The following DENND2C variants were observed in gnomAD, a reference collection of about 807,000 sequenced individuals.
DENND2C encodes DENN domain-containing protein 2C.
DENND2C carries 72 observed loss-of-function variants against 112.4 expected under a neutral mutation model. The ratio of observed to expected loss-of-function variants is 0.64; its 90% CI spans 0.53 to 0.78. DENND2C has a LOEUF of 0.78. DENND2C is among the 30% of genes least tolerant of loss of function. The probability of loss-of-function intolerance (pLI) is 0.00; values close to 1 mark genes in which losing one functional copy is unlikely to be tolerated. For synonymous variants in DENND2C, 329 were observed against 381.6 expected (o/e 0.86, Z 1.61); for missense variants, 992 against 1,113.8 (o/e 0.89, Z 1.56).
At chr1:114,620,843 G>T (rs1455401281) in intron 7 of DENND2C, among the ~76,000 whole-genome samples, 1 of 152,078 alleles carries the variant, frequency 6.6e-6, no homozygotes, top group Admixed American at 6.5e-5. Flanking sequence ...CTGTGGAATA[G>T]AATATTTCCC....
Position 114,602,166 on chromosome 1 carries a change from C to T in DENND2C, c.1696G>A (p.Glu566Lys), listed in dbSNP as rs537563561. The T allele has an allele frequency of 1.2e-6, 2 of 1,613,946 alleles. No individual in the cohort carries two copies. Among genetic ancestry groups the T allele is most frequent in the East Asian group, 4.5e-5 (2 of 44,848 alleles). Residue 566 changes from glutamate (E) to lysine (K), a missense_variant, in exon 12 of 21, where the codon GAA (glutamate) becomes AAA (lysine). Physicochemically the swap from Glu to Lys is moderately conservative, Grantham distance 56. This residue lies in a region of DENND2C where 516 missense variants were observed against 623.6 expected (regional missense o/e 0.83). Coordinates refer to ENST00000393274, the MANE Select transcript of DENND2C (RefSeq NM_001256404.2). ...SETFSFVLTG[E>K]DGSRWFGYCK... ...TAACCAAACCACCGGCTTCCATCTT[C>T]ACCAGTCAAGACAAAGGAGAATGTT...
At chr1:114,663,295 A>G (rs1005934155) in intron 1 of DENND2C, among the ~76,000 whole-genome samples, 7 of 152,204 alleles carry the variant, frequency 4.6e-5, no homozygotes, top group Non-Finnish European at 1.0e-4. Flanking sequence ...CTTTCACTGA[A>G]GCGAAAAGAT....
chr1:114,601,705 A>C, intron 12 of DENND2C, 120 bp from the exon 13 acceptor site: 2 of 798,316 alleles, frequency 2.5e-6, no homozygotes, highest in Non-Finnish European at 4.0e-6. Context: ...CAAGGCTCTC[A>C]TCTTTAGTGA....
At position 114,587,670 on chromosome 1, in the gene DENND2C, A is replaced by G. The variant is rs552522640; in HGVS notation, c.2668+46T>C. ...TATTCATAATATAGTAAAATCTTTC[A>G]AGGTATTCACTAAATAGAGAGGGAG... is the stretch of plus-strand genomic sequence containing the variant. On this transcript the variant is annotated intron_variant, in intron 19 of 20. Transcript: ENST00000393274. 17 of 1,516,788 alleles carry G rather than the reference A, an allele frequency of 1.1e-5. No individual in the cohort carries two copies. In the South Asian group the frequency reaches 2.1e-4, roughly 19 times the overall value. 94.0% of individuals were successfully genotyped at this position (1,516,788 alleles called of 1,614,324 possible). A position where few individuals can be genotyped will look rare whatever the true frequency, so the allele number is the denominator to read the frequency against.
chr1:114,634,766 G>A (rs975755300), intron 3 of DENND2C, among the ~76,000 whole-genome samples: 1 of 151,742 alleles, frequency 6.6e-6, no homozygotes, highest in African/African-American at 2.4e-5. Context: ...GGTGGCTCAA[G>A]CCTGTAATCC....
chr1:114,650,760 G>C (rs1372528630), intron 2 of DENND2C, among the ~76,000 whole-genome samples: 1 of 150,340 alleles, frequency 6.7e-6, no homozygotes, highest in African/African-American at 2.4e-5. Context: ...ATTGTACAAT[G>C]TAACTTTCTA....
intron 8 of DENND2C, among the ~76,000 whole-genome samples, chr1:114,616,003 A>T (rs2101659054): frequency 6.6e-6 from 1 of 152,256 alleles, no homozygotes; most frequent in Non-Finnish European, 1.5e-5. Context: ...TGAACCCGGG[A>T]GGCGGAGCTT....
chr1:114,639,246 A>G (rs1570798020), intron 3 of DENND2C, among the ~76,000 whole-genome samples: 2 of 152,328 alleles, frequency 1.3e-5, no homozygotes, highest in Admixed American at 1.3e-4. Flanking sequence ...ACCCCTTTGG[A>G]AAGCAGTTTC....
chr1:114,643,477 G>A (rs1656899774), intron 3 of DENND2C, among the ~76,000 whole-genome samples: 1 of 152,142 alleles, frequency 6.6e-6, no homozygotes, highest in South Asian at 2.1e-4. Context: ...GGGAAAAAAA[G>A]TGTCAAACAG....
At chr1:114,600,083 G>C in intron 15 of DENND2C, 121 bp downstream of exon 15, 1 of 1,106,886 alleles carries the variant, frequency 9.0e-7, no homozygotes, top group Non-Finnish European at 1.3e-6. Flanking sequence ...GAACCTGCAC[G>C]TTGTGCACAT....
At chr1:114,602,012 C>A in intron 12 of DENND2C, 113 bp downstream of exon 12, 2 of 1,015,028 alleles carry the variant, frequency 2.0e-6, no homozygotes, top group South Asian at 3.1e-5. Context: ...TTCCTTAATA[C>A]ACAGATCATT....
rs926017790 is a variant in DENND2C, at chr1:114,599,140, T to G, written c.2283+134A>C. 63 of 592,970 alleles carry G rather than the reference T, an allele frequency of 1.1e-4. No individual in the cohort carries two copies. The African/African-American group carries it at 1.1e-3, about 10-fold the overall frequency. The allele number at this position is 592,970 out of a possible 1,614,324, so 36.7% of individuals were successfully genotyped here. A position where few individuals can be genotyped will look rare whatever the true frequency, so the allele number is the denominator to read the frequency against. On this transcript the variant is annotated intron_variant, in intron 16 of 20. Transcript: ENST00000393274. Reference sequence around the variant, plus strand: ...CTAGAAGTATTATAAACAGCAATATTATAATAATTTAATAGAAATATTATA... The same window carrying G: ...CTAGAAGTATTATAAACAGCAATATGATAATAATTTAATAGAAATATTATA...
intron 2 of DENND2C, among the ~76,000 whole-genome samples, chr1:114,649,618 C>A (rs1234025855): frequency 6.6e-6 from 1 of 152,074 alleles, no homozygotes. Context: ...GCTCAATCCT[C>A]CTGCCTCAGC....
At chr1:114,590,553 C>T (rs1490564149) in intron 18 of DENND2C, among the ~76,000 whole-genome samples, 1 of 151,240 alleles carries the variant, frequency 6.6e-6, no homozygotes, top group East Asian at 1.9e-4. Context: ...CTGAGGCGGG[C>T]GGATCACGAG....
At chr1:114,587,337 G>C in intron 20 of DENND2C, 50 bp downstream of exon 20, 2 of 1,598,316 alleles carry the variant, frequency 1.3e-6, no homozygotes, top group Non-Finnish European at 1.7e-6. Context: ...ATGAGCCACC[G>C]CGCCTGGTCT....
In DENND2C at chr1:114,583,981, G is replaced by A. The variant is rs1446321815; in HGVS notation, c.*1619C>T. 1 of 152,120 alleles carries A rather than the reference G, an allele frequency of 6.6e-6. No individual in the cohort carries two copies. The highest frequency in any genetic ancestry group is 2.4e-5 in the African/African-American group (1 of 41,432). 9.4% of individuals were successfully genotyped at this position (152,120 alleles called of 1,614,324 possible). Reference sequence around the variant, plus strand: ...TGTTCAAGGAATGTTCATATTTTGAGTCTAATTTAATTAGAGCAAAAATTT... The same window carrying A: ...TGTTCAAGGAATGTTCATATTTTGAATCTAATTTAATTAGAGCAAAAATTT... On this transcript the variant is annotated 3_prime_UTR_variant, in exon 21 of 21. Coordinates refer to ENST00000393274, the MANE Select transcript of DENND2C (RefSeq NM_001256404.2).
chr1:114,624,005 G>A (rs911791371), intron 4 of DENND2C, among the ~76,000 whole-genome samples: 1 of 152,154 alleles, frequency 6.6e-6, no homozygotes, highest in East Asian at 1.9e-4. Flanking sequence ...CAAAGTGCTA[G>A]GATTACAGAA....
chr1:114,649,619 C>G (rs1481902976), intron 2 of DENND2C, among the ~76,000 whole-genome samples: 1 of 152,120 alleles, frequency 6.6e-6, no homozygotes. Flanking sequence ...CTCAATCCTC[C>G]TGCCTCAGCT....
intron 2 of DENND2C, among the ~76,000 whole-genome samples, chr1:114,651,661 G>C (rs1302796637): frequency 6.6e-6 from 1 of 152,044 alleles, no homozygotes; most frequent in African/African-American, 2.4e-5. Flanking sequence ...ATGACTTGAA[G>C]TTGGGAGGCG....
Sources: allele counts gnomAD v4.1 joint callset (sites outside exome capture counted in the v4.1 genomes callset), GRCh38; gene constraint gnomAD v4.1.1; regional missense constraint gnomAD v4.1.1; transcripts MANE v1.5; gene names NCBI Gene and HGNC (gene_info 2026-07-23, HGNC 2026-07-21).